Variants in CFAP69 observed in about 807,000 individuals in gnomAD.
CFAP69 encodes cilia and flagella associated protein 69, also known as cilia- and flagella-associated protein 69.
Under a neutral mutation model 123.0 loss-of-function variants are expected in CFAP69, and 92 were observed. The ratio of observed to expected loss-of-function variants is 0.75; its 90% CI spans 0.63 to 0.89. The LOEUF (loss-of-function observed/expected upper bound fraction) is 0.89, where lower values mean the gene tolerates loss of function less well. Among genes scored for constraint, CFAP69 ranks in the 40% least tolerant of loss-of-function variants. The pLI is 0.00. For synonymous variants in CFAP69, 380 were observed against 364.3 expected (o/e 1.04, Z -0.49); for missense variants, 1,067 against 1,096.9 (o/e 0.97, Z 0.39).
At chr7:90,296,591 G>A (rs761381608) in intron 15 of CFAP69, among the ~76,000 whole-genome samples, 5 of 152,024 alleles carry the variant, frequency 3.3e-5, no homozygotes, top group Non-Finnish European at 5.9e-5. Flanking sequence ...GCCTCCCAAA[G>A]TGCTGGTATT....
At chr7:90,283,817 A>C (rs1789845368) in intron 13 of CFAP69, among the ~76,000 whole-genome samples, 1 of 152,156 alleles carries the variant, frequency 6.6e-6, no homozygotes, top group African/African-American at 2.4e-5. Context: ...ATGCCTACTC[A>C]AAAAATCTTC....
At position 90,310,971 on chromosome 7, in the gene CFAP69, A is replaced by G. The variant is rs1327259345; in HGVS notation, c.*733A>G. ...TAAAATTATGTTTTCTCTGCTATAAAAGCAAATGTTAGTCATGAGCCAAAT... is the reference window on the plus strand; with the variant it reads ...TAAAATTATGTTTTCTCTGCTATAAGAGCAAATGTTAGTCATGAGCCAAAT... On this transcript the variant is annotated 3_prime_UTR_variant, in exon 23 of 23. Coordinates refer to ENST00000389297, the MANE Select transcript of CFAP69 (RefSeq NM_001039706.3). 1 of 152,210 alleles carries G rather than the reference A, an allele frequency of 6.6e-6. No homozygotes were observed. The highest frequency in any genetic ancestry group is 2.4e-5 in the African/African-American group (1 of 41,446). The allele number at this position is 152,210 out of a possible 1,614,324, so 9.4% of individuals were successfully genotyped here.
chr7:90,305,071 G>A (rs1193239549), intron 19 of CFAP69, among the ~76,000 whole-genome samples: 3 of 152,058 alleles, frequency 2.0e-5, no homozygotes, highest in Non-Finnish European at 2.9e-5. Flanking sequence ...AGCCGGGCAC[G>A]GTGGCTCACG....
intron 15 of CFAP69, among the ~76,000 whole-genome samples, chr7:90,292,863 A>T (rs895830918): frequency 1.3e-5 from 2 of 152,194 alleles, no homozygotes; most frequent in Non-Finnish European, 2.9e-5. Context: ...CTATTCAGAG[A>T]TCACAATCTC....
chr7:90,257,842 A>T (rs1327239324), intron 2 of CFAP69, among the ~76,000 whole-genome samples: 7 of 152,184 alleles, frequency 4.6e-5, no homozygotes, highest in African/African-American at 1.7e-4. Context: ...ATGGAACTGT[A>T]GGTATCTCAT....
At chr7:90,248,413 A>G (rs758226668) in intron 1 of CFAP69, among the ~76,000 whole-genome samples, 1 of 152,218 alleles carries the variant, frequency 6.6e-6, no homozygotes, top group Non-Finnish European at 1.5e-5. Flanking sequence ...TTTTTCCTGC[A>G]TCTTTCACAA....
chr7:90,296,994 G>A (rs73211466), intron 15 of CFAP69, among the ~76,000 whole-genome samples: 3,123 of 152,240 alleles, frequency 0.021, 42 homozygotes, highest in Non-Finnish European at 0.031. Flanking sequence ...CCTGGATCTG[G>A]AAAATACTTG....
rs1275010812 is a variant in CFAP69 at position 90,288,338 on chromosome 7, A to G, written c.1761A>G (p.Thr587=). ...GCTATAATGTACTTCTTTTTAGTACATTGGACAGCATTTGGTGAGTATTGC... is the reference window on the plus strand; with the variant it reads ...GCTATAATGTACTTCTTTTTAGTACGTTGGACAGCATTTGGTGAGTATTGC... The part of the protein sequence containing the change: ...GLGYNVLLFS[T]LDSIWCCILG... The change falls in exon 15 of 23, where the codon ACA becomes ACG. Residue 587 remains threonine (T), a synonymous_variant. Transcript: ENST00000389297. 1.9e-6 allele frequency: 3 copies of G among 1,610,560 alleles called. No individual in the cohort carries two copies. Among genetic ancestry groups the G allele is most frequent in the Admixed American group, 3.3e-5 (2 of 59,954 alleles).
chr7:90,262,114 C>G, intron 4 of CFAP69, 58 bp downstream of exon 4: 1 of 1,111,980 alleles, frequency 9.0e-7, no homozygotes, highest in East Asian at 2.5e-5. Context: ...TATTATGTTT[C>G]TTATATCACA....
In CFAP69 at chr7:90,262,028, T is replaced by C. The variant is rs770883715; in HGVS notation, c.328T>C (p.Ser110Pro). Residue 110 changes from serine (S) to proline (P), a missense_variant, in exon 4 of 23, where the codon TCT becomes CCT. Physicochemically the swap from Ser to Pro is moderately conservative, Grantham distance 74 (BLOSUM62 -1). Coordinates refer to ENST00000389297, the MANE Select transcript of CFAP69 (RefSeq NM_001039706.3). ...AAAAAACCAGCCTCGTTTTATAGAATCTGCATATGATATCATAAAACTGTG... is the reference window on the plus strand; with the variant it reads ...AAAAAACCAGCCTCGTTTTATAGAACCTGCATATGATATCATAAAACTGTG... ...KIKNQPRFIE[S>P]AYDIIKLCGL... 10 of 1,595,950 alleles carry C rather than the reference T, an allele frequency of 6.3e-6. 1 individual carries two copies. The South Asian group carries it at 1.0e-4, about 17-fold the overall frequency.
At chr7:90,293,893 A>G (rs757089383) in intron 15 of CFAP69, among the ~76,000 whole-genome samples, 1 of 152,198 alleles carries the variant, frequency 6.6e-6, no homozygotes, top group Non-Finnish European at 1.5e-5. Context: ...GTGGCATTTT[A>G]TGAAGCATTA....
At chr7:90,247,246 T>C (rs1473288503) in intron 1 of CFAP69, among the ~76,000 whole-genome samples, 1 of 152,204 alleles carries the variant, frequency 6.6e-6, no homozygotes, top group East Asian at 1.9e-4. Context: ...ACTCATAGAA[T>C]GGGGGTCTAG....
intron 12 of CFAP69, among the ~76,000 whole-genome samples, chr7:90,281,412 TA>T (rs1463151159): frequency 2.0e-5 from 3 of 151,946 alleles, no homozygotes; most frequent in African/African-American, 7.3e-5. Flanking sequence ...AGACCTACGA[TA>T]AAGCTATAGT....
intron 9 of CFAP69, among the ~76,000 whole-genome samples, chr7:90,274,560 T>C (rs1399786009): frequency 6.6e-6 from 1 of 152,226 alleles, no homozygotes; most frequent in African/African-American, 2.4e-5. Flanking sequence ...ATGTTTTTGT[T>C]TAGCATTTCA....
chr7:90,304,865 A>G (rs1212900256), intron 19 of CFAP69, 45 bp downstream of exon 19: 3 of 1,176,910 alleles, frequency 2.5e-6, no homozygotes, highest in Non-Finnish European at 3.7e-6. Context: ...CTAGATAGCA[A>G]AAAATTAACT....
the CFAP69 span, chr7:90,316,894 G>A: frequency 2.0e-5 from 3 of 152,194 alleles, no homozygotes; most frequent in African/African-American, 7.2e-5. Context: ...ATGAGTGATT[G>A]AGGACAACTG....
intron 14 of CFAP69, chr7:90,287,751 T>C (rs1261525487): frequency 1.0e-6 from 1 of 985,770 alleles, no homozygotes; most frequent in African/African-American, 1.8e-5. Context: ...ATAAGAAAGG[T>C]AATTAGTAAG....
chr7:90,258,195 C>T, intron 3 of CFAP69, 32 bp downstream of exon 3: 1 of 1,391,906 alleles, frequency 7.2e-7, no homozygotes. Context: ...ATGTTCATTT[C>T]ATTTATTCTG....
At chr7:90,311,065 G>A (rs1420205253), downstream of CFAP69, 2 of 152,170 alleles carry the variant, frequency 1.3e-5, no homozygotes, top group Non-Finnish European at 2.9e-5. Context: ...AAACTCTAAT[G>A]CTACTTCTCT....
Sources: allele counts gnomAD v4.1 joint callset (sites outside exome capture counted in the v4.1 genomes callset), GRCh38; gene constraint gnomAD v4.1.1; transcripts MANE v1.5; gene names NCBI Gene and HGNC (gene_info 2026-07-23, HGNC 2026-07-21).